The following SPOCK3 variants were observed in gnomAD, a reference collection of about 807,000 sequenced individuals.
SPOCK3 encodes testican-3.
SPOCK3 carries 30 observed loss-of-function variants against 56.6 expected under a neutral mutation model. The ratio of observed to expected loss-of-function variants is 0.53; its 90% CI spans 0.40 to 0.72. The LOEUF is 0.72. Ranked by LOEUF, SPOCK3 falls within the 30% of genes least tolerant of loss-of-function variation. The pLI is 0.00. For missense variants in SPOCK3, 527 were observed against 530.0 expected, an observed-to-expected ratio of 0.99 and a Z score of 0.06; for synonymous variants, 196 against 183.3, an observed-to-expected ratio of 1.07 and a Z score of -0.56.
chr4:167,158,762 C>G (rs1365624019), intron 2 of SPOCK3, among the ~76,000 whole-genome samples: 1 of 151,982 alleles, frequency 6.6e-6, no homozygotes, highest in East Asian at 1.9e-4. Flanking sequence ...ATTATCTAAA[C>G]TTTTTACCTG....
intron 4 of SPOCK3, among the ~76,000 whole-genome samples, chr4:166,948,143 A>G (rs1038789347): frequency 1.3e-5 from 2 of 152,110 alleles, no homozygotes; most frequent in African/African-American, 4.8e-5. Flanking sequence ...GGCTTATTTC[A>G]CTTAACATAA....
intron 4 of SPOCK3, among the ~76,000 whole-genome samples, chr4:166,914,394 TTATAAA>T (rs199783411): frequency 0.022 from 3,411 of 152,318 alleles, 108 homozygotes; most frequent in African/African-American, 0.067. Flanking sequence ...TAAATTTCTC[TTATAAA>T]TATAACATTT....
chr4:167,064,952 T>C (rs1374722382), intron 2 of SPOCK3, among the ~76,000 whole-genome samples: 1 of 147,032 alleles, frequency 6.8e-6, no homozygotes, highest in African/African-American at 2.5e-5. Flanking sequence ...CTGTCATTAC[T>C]GCTCACCAAA....
In SPOCK3 at chr4:166,780,376, G is replaced by A. The variant is rs894749777; in HGVS notation, c.709+11794C>T. Among the ~76,000 whole-genome samples the A allele has an allele frequency of 8.5e-5, 13 of 152,084 alleles. 1 individual carries two copies. Among genetic ancestry groups the A allele is most frequent in the South Asian group, 4.1e-4 (2 of 4,822 alleles). On this transcript the variant is annotated intron_variant, in intron 7 of 10. Transcript: ENST00000357545. ...AAAAAAAGAAGAATTCATAAACATT[G>A]ACAGACATGACTCCAGGATCTCAGT...
At chr4:167,111,003 T>C (rs192307806) in intron 2 of SPOCK3, among the ~76,000 whole-genome samples, 172 of 152,104 alleles carry the variant, frequency 1.1e-3, no homozygotes, top group African/African-American at 3.9e-3. Flanking sequence ...TATATTTTAT[T>C]TGATAATAAG....
intron 7 of SPOCK3, among the ~76,000 whole-genome samples, chr4:166,756,178 C>A (rs1737047664): frequency 4.0e-5 from 1 of 24,908 alleles, no homozygotes; most frequent in East Asian, 5.8e-4. Flanking sequence ...GCTTTTCAGA[C>A]CGGCTTAAGA....
chr4:167,119,157 C>T (rs889940498), intron 2 of SPOCK3, among the ~76,000 whole-genome samples: 1 of 151,608 alleles, frequency 6.6e-6, no homozygotes, highest in Non-Finnish European at 1.5e-5. Flanking sequence ...GGGGGAACAC[C>T]ATTTCCTTTT....
intron 3 of SPOCK3, among the ~76,000 whole-genome samples, chr4:167,035,474 C>A (rs1049723698): frequency 1.3e-5 from 2 of 151,912 alleles, no homozygotes; most frequent in African/African-American, 4.8e-5. Context: ...CAAGAAAAGT[C>A]CCTACAGGAC....
At chr4:167,067,761 T>C (rs1293638242) in intron 2 of SPOCK3, among the ~76,000 whole-genome samples, 2 of 151,768 alleles carry the variant, frequency 1.3e-5, no homozygotes, top group Non-Finnish European at 2.9e-5. Context: ...AGCAATATTC[T>C]CCCTTAAAGT....
intron 2 of SPOCK3, among the ~76,000 whole-genome samples, chr4:167,167,522 T>C (rs1249033592): frequency 6.6e-6 from 1 of 152,188 alleles, no homozygotes; most frequent in Non-Finnish European, 1.5e-5. Flanking sequence ...TCAAAGTGTA[T>C]GGTATTTCTC....
At chr4:167,192,769 T>G (rs1269433685) in intron 2 of SPOCK3, among the ~76,000 whole-genome samples, 1 of 146,066 alleles carries the variant, frequency 6.8e-6, no homozygotes, top group Non-Finnish European at 1.5e-5. Flanking sequence ...CTTATTCTGC[T>G]GCCTCCCGTA....
At chr4:167,106,809 A>G (rs1318330324) in intron 2 of SPOCK3, among the ~76,000 whole-genome samples, 2 of 151,608 alleles carry the variant, frequency 1.3e-5, no homozygotes, top group Non-Finnish European at 3.0e-5. Context: ...ATCAGAGATG[A>G]ACAGGGAGCC....
intron 6 of SPOCK3, among the ~76,000 whole-genome samples, chr4:166,868,601 G>C (rs1054196034): frequency 2.6e-5 from 4 of 152,098 alleles, no homozygotes; most frequent in South Asian, 2.1e-4. Context: ...TTCAAGTATA[G>C]ATCATAAAAT....
At chr4:166,829,779 T>C (rs1156787882) in intron 6 of SPOCK3, among the ~76,000 whole-genome samples, 1 of 152,058 alleles carries the variant, frequency 6.6e-6, no homozygotes, top group Non-Finnish European at 1.5e-5. Flanking sequence ...GTGGGCAAGA[T>C]TTTTTCCCAC....
At chr4:167,216,675 G>A (rs1025731529) in intron 2 of SPOCK3, among the ~76,000 whole-genome samples, 33 of 152,038 alleles carry the variant, frequency 2.2e-4, no homozygotes, top group African/African-American at 7.7e-4. Context: ...GTTGTGTTCT[G>A]TAGAAATGAT....
At chr4:167,221,903 C>G (rs1394013515) in intron 2 of SPOCK3, among the ~76,000 whole-genome samples, 1 of 152,006 alleles carries the variant, frequency 6.6e-6, no homozygotes, top group African/African-American at 2.4e-5. Context: ...TATGGCAGTT[C>G]CTAAAAAAAT....
At chr4:166,901,880 T>C (rs1402921105) in intron 5 of SPOCK3, among the ~76,000 whole-genome samples, 2 of 152,008 alleles carry the variant, frequency 1.3e-5, no homozygotes, top group African/African-American at 2.4e-5. Flanking sequence ...TATCCTTAAT[T>C]AAAAGCTACA....
At chr4:167,059,124 T>C (rs1755274240) in intron 3 of SPOCK3, among the ~76,000 whole-genome samples, 1 of 151,992 alleles carries the variant, frequency 6.6e-6, no homozygotes, top group African/African-American at 2.4e-5. Context: ...CCAAAAGCAG[T>C]GGCAACAAAA....
intron 2 of SPOCK3, among the ~76,000 whole-genome samples, chr4:167,223,791 T>A (rs1479153115): frequency 2.0e-5 from 3 of 152,082 alleles, no homozygotes; most frequent in Admixed American, 1.3e-4. Context: ...TCCTAAAAAA[T>A]TAAATTAAAA....
Sources: gnomAD v4.1 joint callset for allele counts (sites outside exome capture counted in the v4.1 genomes callset) on GRCh38, gnomAD v4.1.1 for gene constraint, MANE v1.5 for transcripts, NCBI Gene and HGNC (gene_info 2026-07-23, HGNC 2026-07-21) for gene names.